The following GRIA1 variants were observed in gnomAD, a reference collection of about 807,000 sequenced individuals.
GRIA1 encodes glutamate receptor 1.
A neutral mutation model predicts 99.2 loss-of-function variants in GRIA1; 31 were observed. The observed-to-expected ratio is 0.31, with a 90% CI of 0.23 to 0.42. The LOEUF (loss-of-function observed/expected upper bound fraction) is 0.42. Among genes scored for constraint, GRIA1 ranks in the 10% least tolerant of loss-of-function variants. The pLI, the probability that GRIA1 is intolerant of heterozygous loss-of-function variation, is 1.00. For synonymous variants in GRIA1, 438 were observed against 432.4 expected (o/e 1.01, Z -0.16); for missense variants, 782 against 1,157.5 (o/e 0.68, Z 4.71).
intron 13 of GRIA1, among the ~76,000 whole-genome samples, chr5:153,770,896 C>T (rs961418538): frequency 1.3e-5 from 2 of 152,154 alleles, no homozygotes; most frequent in African/African-American, 2.4e-5. Flanking sequence ...CTGTGGAAAT[C>T]GAAATAGCAT....
chr5:153,676,891 A>G (rs1227826143), intron 6 of GRIA1, 103 bp from the exon 7 acceptor site: 9 of 920,656 alleles, frequency 9.8e-6, no homozygotes, highest in Non-Finnish European at 1.3e-5. Flanking sequence ...GGCCCACTGC[A>G]CACCCTTCTC....
intron 11 of GRIA1, among the ~76,000 whole-genome samples, chr5:153,711,644 T>C (rs1386073923): frequency 6.6e-6 from 1 of 152,174 alleles, no homozygotes; most frequent in Non-Finnish European, 1.5e-5. Flanking sequence ...CTATGGCTGA[T>C]TGGTGCCCAG....
At chr5:153,518,253 T>A (rs539604261) in intron 2 of GRIA1, among the ~76,000 whole-genome samples, 17 of 151,768 alleles carry the variant, frequency 1.1e-4, no homozygotes, top group African/African-American at 3.6e-4. Context: ...GCTTTTTTTT[T>A]ATAATTAGTA....
intron 5 of GRIA1, among the ~76,000 whole-genome samples, chr5:153,673,577 G>A (rs1756354959): frequency 6.6e-6 from 1 of 152,128 alleles, no homozygotes; most frequent in Non-Finnish European, 1.5e-5. Flanking sequence ...CCTAACAGAG[G>A]CCCTTAGTTC....
At chr5:153,807,249 T>C (rs1385052558) in intron 15 of GRIA1, among the ~76,000 whole-genome samples, 1 of 152,154 alleles carries the variant, frequency 6.6e-6, no homozygotes, top group Non-Finnish European at 1.5e-5. Flanking sequence ...TGAGCACCAC[T>C]GCGTGCTGGG....
At chr5:153,714,433 T>A (rs1307758240) in intron 11 of GRIA1, among the ~76,000 whole-genome samples, 1 of 152,220 alleles carries the variant, frequency 6.6e-6, no homozygotes, top group Non-Finnish European at 1.5e-5. Flanking sequence ...TTCTTTCCTT[T>A]CATACACTTT....
At chr5:153,617,813 C>T (rs1766654254) in intron 2 of GRIA1, among the ~76,000 whole-genome samples, 1 of 152,152 alleles carries the variant, frequency 6.6e-6, no homozygotes, top group African/African-American at 2.4e-5. Flanking sequence ...TCCCTTAAGT[C>T]CTTCTGATAC....
intron 5 of GRIA1, among the ~76,000 whole-genome samples, chr5:153,658,263 C>G (rs1372678208): frequency 6.6e-6 from 1 of 152,154 alleles, no homozygotes; most frequent in Non-Finnish European, 1.5e-5. Context: ...AATTACCTCT[C>G]TGGGGTGAGA....
At chr5:153,620,912 A>G (rs1766978739) in intron 2 of GRIA1, among the ~76,000 whole-genome samples, 2 of 152,120 alleles carry the variant, frequency 1.3e-5, no homozygotes, top group African/African-American at 4.8e-5. Context: ...CTTGAATCTC[A>G]TTTTGTTCTT....
chr5:153,727,181 C>A (rs1054564782), intron 11 of GRIA1, among the ~76,000 whole-genome samples: 1 of 152,154 alleles, frequency 6.6e-6, no homozygotes, highest in Non-Finnish European at 1.5e-5. Flanking sequence ...TGACAAAATT[C>A]AACAACCTTC....
At chr5:153,795,085 A>G (rs1214664508) in intron 14 of GRIA1, among the ~76,000 whole-genome samples, 2 of 151,992 alleles carry the variant, frequency 1.3e-5, no homozygotes, top group African/African-American at 4.8e-5. Flanking sequence ...CTTTTTTTCA[A>G]AGGGCCTGCT....
At chr5:153,757,931 A>C (rs1197972300) in intron 11 of GRIA1, among the ~76,000 whole-genome samples, 1 of 152,168 alleles carries the variant, frequency 6.6e-6, no homozygotes, top group Admixed American at 6.5e-5. Flanking sequence ...ATGGTGTGTA[A>C]ATCACTTACA....
chr5:153,641,191 T>A (rs1337340677), intron 2 of GRIA1, among the ~76,000 whole-genome samples: 1 of 152,168 alleles, frequency 6.6e-6, no homozygotes, highest in Non-Finnish European at 1.5e-5. Context: ...GAAGCTGTCC[T>A]GTCACCTCAT....
intron 2 of GRIA1, among the ~76,000 whole-genome samples, chr5:153,517,543 A>G (rs535398453): frequency 4.4e-4 from 67 of 152,310 alleles, no homozygotes; most frequent in African/African-American, 1.6e-3. Context: ...GCAGATGGGA[A>G]GCTAAGTAGC....
intron 2 of GRIA1, among the ~76,000 whole-genome samples, chr5:153,559,811 T>G (rs1760963024): frequency 6.6e-6 from 1 of 152,148 alleles, no homozygotes; most frequent in Non-Finnish European, 1.5e-5. Flanking sequence ...ATGACTATAT[T>G]TTGGTATAAT....
chr5:153,715,377 C>T (rs1267253345), intron 11 of GRIA1, among the ~76,000 whole-genome samples: 1 of 151,956 alleles, frequency 6.6e-6, no homozygotes, highest in Admixed American at 6.6e-5. Flanking sequence ...CACTCTCCCC[C>T]AACCAACTCC....
At chr5:153,625,972 G>A (rs1188274036) in intron 2 of GRIA1, among the ~76,000 whole-genome samples, 2 of 152,226 alleles carry the variant, frequency 1.3e-5, no homozygotes, top group African/African-American at 2.4e-5. Context: ...TGGTGCCTAC[G>A]CCCGTCACTT....
chr5:153,601,367 C>A (rs1175137680), intron 2 of GRIA1, among the ~76,000 whole-genome samples: 1 of 152,186 alleles, frequency 6.6e-6, no homozygotes, highest in Non-Finnish European at 1.5e-5. Flanking sequence ...TGCACTAAAG[C>A]CCACATACTT....
At chr5:153,491,077 T>C in intron 1 of GRIA1, 107 bp downstream of exon 1, 2 of 1,171,694 alleles carry the variant, frequency 1.7e-6, no homozygotes, top group South Asian at 2.5e-5. Context: ...TTTGCTTGGC[T>C]CCCTAAAGCT....
Sources: gnomAD v4.1 joint callset for allele counts (sites outside exome capture counted in the v4.1 genomes callset) on GRCh38, gnomAD v4.1.1 for gene constraint, MANE v1.5 for transcripts, NCBI Gene and HGNC (gene_info 2026-07-23, HGNC 2026-07-21) for gene names.